The following SRGAP2 variants were observed in gnomAD, a reference collection of about 807,000 sequenced individuals.
SRGAP2 encodes the protein SLIT-ROBO Rho GTPase activating protein 2.
Under a neutral mutation model 57.2 loss-of-function variants are expected in SRGAP2, and 15 were observed. The observed-to-expected ratio is 0.26, with a 90% CI of 0.18 to 0.40. SRGAP2 has a LOEUF of 0.40. Ranked by LOEUF, SRGAP2 falls within the 10% of genes least tolerant of loss-of-function variation. The probability of loss-of-function intolerance (pLI) is 1.00; values close to 1 mark genes in which losing one functional copy is unlikely to be tolerated. For missense variants in SRGAP2, 520 were observed against 669.6 expected (o/e 0.78, Z 2.47); for synonymous variants, 249 against 248.0 (o/e 1.00, Z -0.04).
intron 2 of SRGAP2, among the ~76,000 whole-genome samples, chr1:206,254,571 A>T (rs1332379132): frequency 2.0e-5 from 3 of 148,900 alleles, no homozygotes; most frequent in African/African-American, 7.5e-5. Flanking sequence ...GTTGACTCCC[A>T]TGGCCTTTTG....
intron 21 of SRGAP2, chr1:206,456,305 T>C (rs532646550): frequency 6.6e-6 from 1 of 152,274 alleles, no homozygotes; most frequent in South Asian, 2.1e-4. Flanking sequence ...AGTTATAATT[T>C]AATTCAGACC....
intron 7 of SRGAP2, among the ~76,000 whole-genome samples, chr1:206,397,450 C>A (rs1223411644): frequency 6.6e-6 from 1 of 152,134 alleles, no homozygotes; most frequent in Non-Finnish European, 1.5e-5. Context: ...CTTCTGCCTC[C>A]TTCTTAGTGG....
intron 2 of SRGAP2, among the ~76,000 whole-genome samples, chr1:206,256,732 G>GT (rs1445490138): frequency 6.6e-6 from 1 of 151,416 alleles, no homozygotes; most frequent in Non-Finnish European, 1.5e-5. Flanking sequence ...TGCCTGCCAG[G>GT]TAAAATCTGG....
chr1:206,323,599 C>T (rs1673639795), intron 3 of SRGAP2, among the ~76,000 whole-genome samples: 1 of 151,760 alleles, frequency 6.6e-6, no homozygotes, highest in African/African-American at 2.4e-5. Context: ...GCATCAGCAT[C>T]AGCATCTGCT....
intron 2 of SRGAP2, among the ~76,000 whole-genome samples, chr1:206,229,494 C>T (rs1406727141): frequency 2.0e-5 from 3 of 152,308 alleles, no homozygotes; most frequent in Admixed American, 6.5e-5. Context: ...CGCAACTGAG[C>T]AGCTCCTAGC....
At chr1:206,374,047 C>T (rs533520756) in intron 4 of SRGAP2, among the ~76,000 whole-genome samples, 15 of 96,486 alleles carry the variant, frequency 1.6e-4, no homozygotes, top group East Asian at 3.3e-4. Context: ...TTTTTTGAGA[C>T]GGAGTTTCGC....
At position 206,212,118 on chromosome 1, in the gene SRGAP2, C is replaced by G. The variant is rs550020846; in HGVS notation, c.67+6081C>G. ...TGATGAACACTTGGGTTGTTTCCAC[C>G]TTTTGCCTATTTTGAATAATGCTGC... is the stretch of plus-strand genomic sequence containing the variant. On this transcript the variant is annotated intron_variant, in intron 2 of 22. Transcript: ENST00000573034. Among the ~76,000 whole-genome samples, 949 of 152,116 alleles carry G rather than the reference C, an allele frequency of 6.2e-3. 10 individuals carry two copies. Among genetic ancestry groups the G allele is most frequent in the African/African-American group, 0.022 (918 of 41,502 alleles).
rs149694347 is a variant in SRGAP2 at position 206,347,929 on chromosome 1, G to A, written c.423+4921G>A. On this transcript the variant is annotated intron_variant, in intron 4 of 22. Coordinates refer to ENST00000573034, the MANE Select transcript of SRGAP2 (RefSeq NM_015326.5). Reference sequence around the variant, plus strand: ...TACTCCCCAGGGGCAAAATATCTGTGCCCCCTGTAAGAGGGAAACAAGGAC... The same window carrying A: ...TACTCCCCAGGGGCAAAATATCTGTACCCCCTGTAAGAGGGAAACAAGGAC... 6.1e-3 allele frequency among the ~76,000 whole-genome samples: 930 copies of A among 151,968 alleles called. 7 individuals are homozygous for A. The highest frequency in any genetic ancestry group is 0.022 in the African/African-American group (902 of 41,300).
Position 206,438,107 on chromosome 1 carries a change from C to A in SRGAP2, c.1768+9C>A, listed in dbSNP as rs782414895. 1.3e-6 allele frequency: 1 copy of A among 780,522 alleles called. No individual in the cohort carries two copies. Among genetic ancestry groups the A allele is most frequent in the Non-Finnish European group, 2.4e-6 (1 of 417,804 alleles). The allele number at this position is 780,522 out of a possible 1,614,324, so 48.3% of individuals were successfully genotyped here. On this transcript the variant is annotated intron_variant, in intron 16 of 22. Coordinates refer to ENST00000573034, the MANE Select transcript of SRGAP2 (RefSeq NM_015326.5). ...CCTGATGGCCTGCGTCAGTAAGTACCATTCTGGCTTCAGATTGGCTTCTGG... is the reference window on the plus strand; with the variant it reads ...CCTGATGGCCTGCGTCAGTAAGTACAATTCTGGCTTCAGATTGGCTTCTGG...
At chr1:206,413,423 C>G (rs1659390880) in intron 10 of SRGAP2, among the ~76,000 whole-genome samples, 1 of 152,192 alleles carries the variant, frequency 6.6e-6, no homozygotes, top group Non-Finnish European at 1.5e-5. Context: ...GAGCTGGCAT[C>G]TGGAGCAGAT....
chr1:206,417,391 A>G (rs1476987023), intron 11 of SRGAP2, among the ~76,000 whole-genome samples: 2 of 129,614 alleles, frequency 1.5e-5, no homozygotes, highest in Non-Finnish European at 3.2e-5. Context: ...AGCGTGAGCC[A>G]CCATGCCTGG....
chr1:206,277,071 TCTCCTG>T (rs1670457266), intron 2 of SRGAP2, among the ~76,000 whole-genome samples: 1 of 151,978 alleles, frequency 6.6e-6, no homozygotes, highest in East Asian at 1.9e-4. Flanking sequence ...TTCAAGAGAT[TCTCCTG>T]CGTCAGCCTC....
At chr1:206,331,557 AT>A (rs1337812531) in intron 3 of SRGAP2, among the ~76,000 whole-genome samples, 4 of 150,750 alleles carry the variant, frequency 2.7e-5, no homozygotes, top group African/African-American at 9.9e-5. Context: ...CTTTACCATT[AT>A]GTAACGGCCT....
At chr1:206,428,439 G>C (rs1258354406) in intron 13 of SRGAP2, among the ~76,000 whole-genome samples, 1 of 143,508 alleles carries the variant, frequency 7.0e-6, no homozygotes, top group Non-Finnish European at 1.5e-5. Flanking sequence ...AAAAAAAAAA[G>C]AAAAAGAAAT....
At chr1:206,425,616 C>G (rs1553366022) in intron 13 of SRGAP2, among the ~76,000 whole-genome samples, 1 of 152,164 alleles carries the variant, frequency 6.6e-6, no homozygotes, top group East Asian at 1.9e-4. Context: ...CTCACTGCAA[C>G]CTCTGCCTCC....
chr1:206,428,399 C>T (rs183646273), intron 13 of SRGAP2, among the ~76,000 whole-genome samples: 12 of 136,938 alleles, frequency 8.8e-5, no homozygotes, highest in African/African-American at 3.1e-4. Flanking sequence ...CTGGCCTGGG[C>T]GACTGATTGA....
intron 10 of SRGAP2, among the ~76,000 whole-genome samples, chr1:206,408,798 C>G (rs1241381033): frequency 5.3e-5 from 8 of 151,262 alleles, no homozygotes; most frequent in African/African-American, 2.0e-4. Flanking sequence ...CCTCGCAAAT[C>G]CTGCCCACCC....
At chr1:206,337,928 G>C (rs1398717458) in intron 3 of SRGAP2, among the ~76,000 whole-genome samples, 1 of 152,014 alleles carries the variant, frequency 6.6e-6, no homozygotes, top group African/African-American at 2.4e-5. Context: ...TTAAGCGCTT[G>C]TTGCTAAGTT....
intron 4 of SRGAP2, among the ~76,000 whole-genome samples, chr1:206,377,457 A>G (rs1655314843): frequency 6.7e-6 from 1 of 149,338 alleles, no homozygotes; most frequent in Admixed American, 6.7e-5. Flanking sequence ...TTTACTATGT[A>G]ATAGCTGGAT....
Sources: allele counts gnomAD v4.1 joint callset (sites outside exome capture counted in the v4.1 genomes callset), GRCh38; gene constraint gnomAD v4.1.1; transcripts MANE v1.5; gene names NCBI Gene and HGNC (gene_info 2026-07-23, HGNC 2026-07-21).